The following AGBL1 variants were observed in gnomAD, a reference collection of about 807,000 sequenced individuals.
AGBL1 encodes the protein cytosolic carboxypeptidase 4.
AGBL1 carries 130 observed loss-of-function variants against 118.9 expected under a neutral mutation model. That is an observed-to-expected ratio of 1.09 (90% CI 0.95 to 1.26). The LOEUF is 1.26. Ranked by LOEUF, AGBL1 falls within the 50% of genes most tolerant of loss-of-function variation. The pLI is 0.00. For synonymous variants in AGBL1, 555 were observed against 478.9 expected (o/e 1.16, Z -2.08); for missense variants, 1,584 against 1,298.1 (o/e 1.22, Z -3.38).
chr15:86,162,617 A>G (rs993632813), intron 5 of AGBL1, among the ~76,000 whole-genome samples: 3 of 152,110 alleles, frequency 2.0e-5, no homozygotes, highest in East Asian at 1.9e-4. Context: ...GCTTGTGCCA[A>G]CTTCCTTCCT....
chr15:86,505,107 T>TG (rs1380348736), intron 18 of AGBL1, among the ~76,000 whole-genome samples: 2 of 151,740 alleles, frequency 1.3e-5, no homozygotes, highest in African/African-American at 2.4e-5. Context: ...CCACAGTTTC[T>TG]GAAAAAAAAA....
chr15:86,625,632 C>G (rs889314578), intron 21 of AGBL1, among the ~76,000 whole-genome samples: 1 of 151,866 alleles, frequency 6.6e-6, no homozygotes, highest in Non-Finnish European at 1.5e-5. Context: ...AATTCTGGAT[C>G]TTTGGGATAG....
intron 7 of AGBL1, among the ~76,000 whole-genome samples, chr15:86,250,027 T>C (rs1358326569): frequency 2.6e-5 from 4 of 152,306 alleles, no homozygotes; most frequent in South Asian, 2.1e-4. Flanking sequence ...GTGTGCACTT[T>C]ATAGTGAGGT....
At chr15:86,139,630 G>C (rs1206635768) in intron 1 of AGBL1, among the ~76,000 whole-genome samples, 2 of 152,046 alleles carry the variant, frequency 1.3e-5, no homozygotes, top group Admixed American at 6.5e-5. Context: ...TAAGTGTCTA[G>C]GGATCCCATC....
downstream of AGBL1, among the ~76,000 whole-genome samples, chr15:86,920,563 T>C (rs2080473140): frequency 6.6e-6 from 1 of 152,190 alleles, no homozygotes; most frequent in African/African-American, 2.4e-5. Flanking sequence ...TTTTTATAAT[T>C]TTGCTTACCA....
At chr15:86,104,929 T>C (rs1369891824) in intron 1 of AGBL1, 1 of 152,050 alleles carries the variant, frequency 6.6e-6, no homozygotes, top group Non-Finnish European at 1.5e-5. Context: ...CAGGAGTCCA[T>C]GGTGAGAATG....
At chr15:86,134,738 C>T (rs1042292471) in intron 1 of AGBL1, among the ~76,000 whole-genome samples, 10 of 151,156 alleles carry the variant, frequency 6.6e-5, no homozygotes, top group South Asian at 2.1e-4. Flanking sequence ...CTCAGCCTCC[C>T]GAGTAGCTAG....
chr15:86,147,821 C>T (rs1014604182), intron 3 of AGBL1, among the ~76,000 whole-genome samples: 3 of 152,202 alleles, frequency 2.0e-5, no homozygotes, highest in Non-Finnish European at 4.4e-5. Context: ...GTCCCTGACC[C>T]CCATGTAGCC....
At chr15:86,435,195 C>T (rs2081987048) in intron 18 of AGBL1, among the ~76,000 whole-genome samples, 1 of 152,154 alleles carries the variant, frequency 6.6e-6, no homozygotes, top group South Asian at 2.1e-4. Context: ...ACATATGAGT[C>T]CCACATTAAA....
intron 17 of AGBL1, among the ~76,000 whole-genome samples, chr15:86,311,504 T>G (rs1477845481): frequency 1.3e-5 from 2 of 152,246 alleles, no homozygotes; most frequent in African/African-American, 4.8e-5. Flanking sequence ...TCTTGGAATT[T>G]TTTTTTCCTT....
chr15:86,875,406 A>AT (rs1319642641), intron 22 of AGBL1, among the ~76,000 whole-genome samples: 1 of 152,076 alleles, frequency 6.6e-6, no homozygotes, highest in Non-Finnish European at 1.5e-5. Flanking sequence ...GTGTAATTGG[A>AT]TTTTTTTTAA....
intron 21 of AGBL1, among the ~76,000 whole-genome samples, chr15:86,582,544 A>C (rs943284558): frequency 1.3e-5 from 2 of 152,150 alleles, no homozygotes; most frequent in Admixed American, 1.3e-4. Flanking sequence ...TCATGCTGCT[A>C]TAAAGACACA....
At chr15:86,481,189 T>C (rs1300677988) in intron 18 of AGBL1, among the ~76,000 whole-genome samples, 1 of 151,412 alleles carries the variant, frequency 6.6e-6, no homozygotes. Context: ...GTTTAGAGGA[T>C]TTCTTGAGGG....
At chr15:86,563,809 G>A (rs914134729) in intron 21 of AGBL1, among the ~76,000 whole-genome samples, 1 of 152,132 alleles carries the variant, frequency 6.6e-6, no homozygotes, top group Non-Finnish European at 1.5e-5. Context: ...ATGAATCTGG[G>A]TGCTCCTGTA....
chr15:86,824,133 CAAATCCTCCCTATTTGCACATAAGATT>C (rs1417307229), intron 22 of AGBL1, among the ~76,000 whole-genome samples: 1 of 151,950 alleles, frequency 6.6e-6, no homozygotes, highest in African/African-American at 2.4e-5. Flanking sequence ...AGGAAGAAAT[CAAATCCTCCCTATTTGCACATAAGATT>C]GTCTATGTAA....
intron 23 of AGBL1, among the ~76,000 whole-genome samples, chr15:86,967,220 A>G (rs1281552271): frequency 6.6e-6 from 1 of 152,028 alleles, no homozygotes; most frequent in African/African-American, 2.4e-5. Context: ...TAGATTCTGG[A>G]TATTAGCCCT....
intron 1 of AGBL1, among the ~76,000 whole-genome samples, chr15:86,093,872 C>T (rs545462612): frequency 6.6e-6 from 1 of 152,088 alleles, no homozygotes; most frequent in Non-Finnish European, 1.5e-5. Context: ...AGAGAGAGCC[C>T]TTCAATATAC....
chr15:86,317,200 A>C (rs575678273), intron 17 of AGBL1: 1 of 152,342 alleles, frequency 6.6e-6, no homozygotes, highest in African/African-American at 2.4e-5. Context: ...TCCACAAAAC[A>C]CTTTGAATCA....
At chr15:86,636,526 TA>T (rs1201430594) in intron 21 of AGBL1, among the ~76,000 whole-genome samples, 9 of 148,470 alleles carry the variant, frequency 6.1e-5, no homozygotes, top group Non-Finnish European at 1.0e-4. Flanking sequence ...CTCCTACATT[TA>T]AAAAAAATTC....
Sources: allele counts gnomAD v4.1 joint callset (sites outside exome capture counted in the v4.1 genomes callset), GRCh38; gene constraint gnomAD v4.1.1; transcripts MANE v1.5; gene names NCBI Gene and HGNC (gene_info 2026-07-23, HGNC 2026-07-21).